The following CCDC13 variants were observed in gnomAD, a reference collection of about 807,000 sequenced individuals.
CCDC13 encodes the protein coiled-coil domain-containing protein 13.
Under a neutral mutation model 87.3 loss-of-function variants are expected in CCDC13, and 70 were observed. That is an observed-to-expected ratio of 0.80 (90% confidence interval 0.66 to 0.98). The LOEUF (loss-of-function observed/expected upper bound fraction) is 0.98, where lower values mean the gene tolerates loss of function less well. Among genes scored for constraint, CCDC13 ranks in the 50% least tolerant of loss-of-function variants. CCDC13 has a pLI of 0.00. For missense variants in CCDC13, 842 were observed against 892.0 expected (o/e 0.94, Z 0.71); for synonymous variants, 317 against 360.3 (o/e 0.88, Z 1.36).
Position 42,739,982 on chromosome 3 carries a change from AG to A in CCDC13, c.988-173del, listed in dbSNP as rs1328535404. Among the ~76,000 whole-genome samples the A allele has an allele frequency of 2.0e-5, 3 of 152,094 alleles. No individual in the cohort carries two copies. The East Asian group carries it at 5.8e-4, about 29-fold the overall frequency. ...CCCTGACTCCCAGCCCAGGCCTCTC[AG>A]GGATATCAGGTGGCCAGCAGCCTCC... On this transcript the variant is annotated intron_variant, in intron 8 of 15. Coordinates refer to ENST00000310232, the MANE Select transcript of CCDC13 (RefSeq NM_144719.4).
intron 5 of CCDC13, among the ~76,000 whole-genome samples, chr3:42,748,837 C>G (rs1043626743): frequency 6.7e-6 from 1 of 149,892 alleles, no homozygotes; most frequent in Non-Finnish European, 1.5e-5. Context: ...TCACTGCAAC[C>G]TCCGCCCCCC....
intron 1 of CCDC13, among the ~76,000 whole-genome samples, chr3:42,760,292 C>CTAAA (rs56384940): frequency 0.026 from 3,822 of 144,686 alleles, 71 homozygotes; most frequent in Non-Finnish European, 0.032. Context: ...ATTCTTGTCT[C>CTAAA]TAAATAAATA....
At chr3:42,718,560 T>G (rs1441942277) in intron 13 of CCDC13, among the ~76,000 whole-genome samples, 1 of 152,180 alleles carries the variant, frequency 6.6e-6, no homozygotes, top group Non-Finnish European at 1.5e-5. Flanking sequence ...AACCCTCTCT[T>G]GGGGTCTGGA....
chr3:42,725,939 A>G (rs1262527998), intron 13 of CCDC13, among the ~76,000 whole-genome samples: 2 of 152,236 alleles, frequency 1.3e-5, no homozygotes, highest in Admixed American at 6.5e-5. Flanking sequence ...TGAAGATGGT[A>G]GAAAACTCTA....
chr3:42,710,871 A>C (rs887057817), intron 14 of CCDC13, among the ~76,000 whole-genome samples: 2 of 152,042 alleles, frequency 1.3e-5, no homozygotes, highest in Admixed American at 6.5e-5. Context: ...GCACCTCCAC[A>C]TCCCCAACTA....
intron 12 of CCDC13, among the ~76,000 whole-genome samples, chr3:42,731,266 G>A (rs1206665536): frequency 6.6e-6 from 1 of 151,748 alleles, no homozygotes; most frequent in Admixed American, 6.6e-5. Context: ...CAGGGCATAG[G>A]GAAGGCTGCA....
intron 1 of CCDC13, chr3:42,771,049 T>G (rs1165358695): frequency 6.6e-6 from 1 of 151,936 alleles, no homozygotes; most frequent in East Asian, 1.9e-4. Flanking sequence ...TTACCAAAAA[T>G]GAGAAAAAAA....
intron 1 of CCDC13, among the ~76,000 whole-genome samples, chr3:42,765,550 C>T (rs975490470): frequency 2.6e-5 from 4 of 152,276 alleles, no homozygotes; most frequent in Admixed American, 6.5e-5. Flanking sequence ...GGACTACAGG[C>T]ATGCACCACT....
At chr3:42,765,072 C>A (rs1323591400) in intron 1 of CCDC13, among the ~76,000 whole-genome samples, 1 of 152,210 alleles carries the variant, frequency 6.6e-6, no homozygotes, top group Non-Finnish European at 1.5e-5. Context: ...CACTGAGGAA[C>A]TGGTACTCAT....
chr3:42,758,211 G>A lies in CCDC13; in HGVS notation c.135C>T (p.Asp45=), dbSNP rs772933746. Reference sequence around the variant, plus strand: ...AAACCTCCAAGGGCTCCTCTTGGTCGTCAGCTCTGCTTTTGAGGCTCAGTT... The same window carrying A: ...AAACCTCCAAGGGCTCCTCTTGGTCATCAGCTCTGCTTTTGAGGCTCAGTT... ...EKELSLKSRA[D]DQEEPLEVSD... The change falls in exon 2 of 16, where the codon GAC becomes GAT. Residue 45 remains aspartate (D), a synonymous_variant. Transcript: ENST00000310232. 35 of 1,613,964 alleles carry A rather than the reference G, an allele frequency of 2.2e-5. No individual in the cohort carries two copies. Among genetic ancestry groups the A allele is most frequent in the African/African-American group, 5.3e-5 (4 of 74,918 alleles).
chr3:42,726,895 A>G (rs1262330233), intron 13 of CCDC13, among the ~76,000 whole-genome samples: 1 of 152,154 alleles, frequency 6.6e-6, no homozygotes, highest in Non-Finnish European at 1.5e-5. Flanking sequence ...AGCATCGGAG[A>G]GAAAGGACAA....
In CCDC13 at chr3:42,744,403, TC is replaced by T. The variant is rs1699329365; in HGVS notation, c.826-1347del. ...GGAAAGGAAGCACAATTCGCTAGGC[TC>T]CCTGGCAAAGGGCAGGAGCACAGCT... On this transcript the variant is annotated intron_variant, in intron 7 of 15. Transcript: ENST00000310232. Among the ~76,000 whole-genome samples the T allele has an allele frequency of 3.9e-5, 6 of 152,276 alleles. No homozygotes were observed. The East Asian group carries it at 1.2e-3, about 29-fold the overall frequency.
At chr3:42,772,444 G>C (rs1043543162) in intron 1 of CCDC13, among the ~76,000 whole-genome samples, 8 of 152,124 alleles carry the variant, frequency 5.3e-5, no homozygotes, top group Non-Finnish European at 1.0e-4. Context: ...ATAGGTGACA[G>C]GGACCAGTGA....
At chr3:42,772,056 G>A (rs1700129312) in intron 1 of CCDC13, among the ~76,000 whole-genome samples, 2 of 151,954 alleles carry the variant, frequency 1.3e-5, no homozygotes, top group South Asian at 4.1e-4. Context: ...TGGATCACCT[G>A]AGGTCAGGAG....
chr3:42,760,057 C>T (rs1008147596), intron 1 of CCDC13, among the ~76,000 whole-genome samples: 4 of 152,016 alleles, frequency 2.6e-5, no homozygotes, highest in South Asian at 2.1e-4. Flanking sequence ...TCTAGGAGGC[C>T]GAGGTGGGTG....
intron 14 of CCDC13, among the ~76,000 whole-genome samples, chr3:42,710,895 T>A (rs1182437495): frequency 6.6e-6 from 1 of 151,980 alleles, no homozygotes; most frequent in East Asian, 1.9e-4. Flanking sequence ...CTGCCCTGGA[T>A]GGGAAACTGC....
intron 13 of CCDC13, among the ~76,000 whole-genome samples, chr3:42,727,196 A>AC (rs1698711129): frequency 6.6e-6 from 1 of 151,922 alleles, no homozygotes; most frequent in South Asian, 2.1e-4. Flanking sequence ...ACATGGTGAA[A>AC]CCCCATCTCT....
At chr3:42,724,857 CCCTA>C (rs1249569845) in intron 13 of CCDC13, among the ~76,000 whole-genome samples, 2 of 151,972 alleles carry the variant, frequency 1.3e-5, no homozygotes, top group Non-Finnish European at 2.9e-5. Context: ...GGAGGTTTCC[CCCTA>C]CCTAAGAATG....
intron 8 of CCDC13, among the ~76,000 whole-genome samples, chr3:42,741,523 C>T (rs1048798996): frequency 1.1e-4 from 17 of 152,076 alleles, no homozygotes; most frequent in Non-Finnish European, 1.8e-4. Flanking sequence ...GATCACCTGA[C>T]GTTAGGAATT....
Sources: allele counts gnomAD v4.1 joint callset (sites outside exome capture counted in the v4.1 genomes callset), GRCh38; gene constraint gnomAD v4.1.1; transcripts MANE v1.5; gene names NCBI Gene and HGNC (gene_info 2026-07-23, HGNC 2026-07-21).